The following ADCY2 variants were observed in gnomAD, a reference collection of about 807,000 sequenced individuals.
ADCY2 encodes adenylate cyclase 2.
Under a neutral mutation model 125.2 loss-of-function variants are expected in ADCY2, and 31 were observed. That is an observed-to-expected ratio of 0.25 (90% CI 0.19 to 0.33). ADCY2 has a LOEUF of 0.33. ADCY2 is among the 10% of genes least tolerant of loss of function. ADCY2 has a pLI of 1.00. For synonymous variants in ADCY2, 512 were observed against 548.4 expected (o/e 0.93, Z 0.93); for missense variants, 904 against 1,418.2 (o/e 0.64, Z 5.82).
At chr5:7,560,770 C>T (rs1358599457) in intron 3 of ADCY2, among the ~76,000 whole-genome samples, 1 of 152,004 alleles carries the variant, frequency 6.6e-6, no homozygotes, top group East Asian at 1.9e-4. Context: ...CTCACTGCAA[C>T]CTCCACCTCC....
At chr5:7,748,170 G>T (rs1742688020) in intron 15 of ADCY2, among the ~76,000 whole-genome samples, 1 of 152,172 alleles carries the variant, frequency 6.6e-6, no homozygotes. Context: ...CTCAGGCAGA[G>T]AAATATGTGC....
intron 2 of ADCY2, among the ~76,000 whole-genome samples, chr5:7,493,027 A>T (rs1743220720): frequency 6.6e-6 from 1 of 152,076 alleles, no homozygotes; most frequent in East Asian, 1.9e-4. Context: ...TCCTGGGAAG[A>T]GTGTGGCTGT....
At chr5:7,804,141 A>T (rs1469660028) in intron 21 of ADCY2, among the ~76,000 whole-genome samples, 1 of 151,050 alleles carries the variant, frequency 6.6e-6, no homozygotes, top group Non-Finnish European at 1.5e-5. Context: ...TCTTTATTCC[A>T]TCCACCTCAA....
chr5:7,466,529 C>A (rs1444997003), intron 2 of ADCY2, among the ~76,000 whole-genome samples: 2 of 152,196 alleles, frequency 1.3e-5, no homozygotes, highest in Non-Finnish European at 2.9e-5. Context: ...TGCTTTTAAG[C>A]CCTGCCAGGC....
chr5:7,626,063 T>G (rs1456192572), intron 3 of ADCY2, 104 bp from the exon 4 acceptor site: 2 of 1,265,060 alleles, frequency 1.6e-6, no homozygotes, highest in African/African-American at 3.0e-5. Context: ...ATTAACTTCC[T>G]GCAGTTATCT....
Position 7,754,862 on chromosome 5 carries a change from G to GA in ADCY2, c.1957-2576dup, listed in dbSNP as rs905197674. 1.6e-3 allele frequency among the ~76,000 whole-genome samples: 219 copies of GA among 139,380 alleles called. 1 individual carries two copies. The highest frequency in any genetic ancestry group is 4.1e-3 in the African/African-American group (158 of 38,106). The allele number at this position is 139,380 out of a possible 152,430, so 91.4% of individuals were successfully genotyped here. On this transcript the variant is annotated intron_variant, in intron 15 of 24. Transcript: ENST00000338316. ...GTGAGAGAGCAAGACTCCGTCTCAGGAAAAAAAAAAAGAAAAAACAAAACA... is the reference window on the plus strand; with the variant it reads ...GTGAGAGAGCAAGACTCCGTCTCAGGAAAAAAAAAAAAGAAAAAACAAAACA...
chr5:7,493,198 T>C (rs1743226596), intron 2 of ADCY2, among the ~76,000 whole-genome samples: 1 of 152,110 alleles, frequency 6.6e-6, no homozygotes, highest in Non-Finnish European at 1.5e-5. Context: ...TCAGCACTGA[T>C]CTGTAAGTTT....
intron 24 of ADCY2, among the ~76,000 whole-genome samples, chr5:7,825,253 C>T (rs904874763): frequency 4.0e-5 from 6 of 151,250 alleles, no homozygotes; most frequent in East Asian, 1.9e-4. Flanking sequence ...GACATGACAA[C>T]GCTGCTGTGT....
At chr5:7,640,255 G>C (rs567986255) in intron 4 of ADCY2, among the ~76,000 whole-genome samples, 1 of 152,146 alleles carries the variant, frequency 6.6e-6, no homozygotes, top group South Asian at 2.1e-4. Context: ...TTTACGAGTG[G>C]CTATTGCAAG....
intron 3 of ADCY2, among the ~76,000 whole-genome samples, chr5:7,580,047 A>C (rs1315410691): frequency 6.6e-6 from 1 of 152,212 alleles, no homozygotes; most frequent in African/African-American, 2.4e-5. Context: ...CTCAGTAATA[A>C]GTGGGAGCTA....
chr5:7,404,017 G>C (rs1288618647), intron 1 of ADCY2, among the ~76,000 whole-genome samples: 1 of 151,790 alleles, frequency 6.6e-6, no homozygotes, highest in African/African-American at 2.4e-5. Context: ...TGGTTGTGGG[G>C]ACAGTGAAAC....
chr5:7,509,448 A>T (rs1561065062), intron 2 of ADCY2, among the ~76,000 whole-genome samples: 1 of 151,980 alleles, frequency 6.6e-6, no homozygotes. Flanking sequence ...CAGGACACCC[A>T]TTTTTTTTAA....
chr5:7,397,742 T>C (rs1336883706), intron 1 of ADCY2, among the ~76,000 whole-genome samples: 1 of 152,142 alleles, frequency 6.6e-6, no homozygotes, highest in African/African-American at 2.4e-5. Flanking sequence ...ATGGTAGCTG[T>C]CTACTGATTG....
chr5:7,676,517 A>T (rs924879453), intron 4 of ADCY2, among the ~76,000 whole-genome samples: 85 of 31,506 alleles, frequency 2.7e-3, no homozygotes, highest in Middle Eastern at 0.015. Flanking sequence ...AACATGAATT[A>T]AAAAAAAAAT....
intron 4 of ADCY2, among the ~76,000 whole-genome samples, chr5:7,660,239 A>AAGGAAG (rs1554029333): frequency 3.9e-5 from 4 of 101,330 alleles, no homozygotes; most frequent in Admixed American, 1.2e-4. Context: ...AGGGAGGGAG[A>AAGGAAG]GAAGGAAGGA....
At chr5:7,500,273 T>G (rs1743513894) in intron 2 of ADCY2, among the ~76,000 whole-genome samples, 1 of 152,226 alleles carries the variant, frequency 6.6e-6, no homozygotes, top group South Asian at 2.1e-4. Flanking sequence ...TAGTCAACTC[T>G]TTCCTGCAGA....
intron 20 of ADCY2, among the ~76,000 whole-genome samples, chr5:7,793,099 G>A (rs548044934): frequency 6.6e-6 from 1 of 152,302 alleles, no homozygotes; most frequent in East Asian, 1.9e-4. Context: ...GTGCTCCTGA[G>A]GGTGACGTGA....
At chr5:7,713,476 AG>A (rs1403596736) in intron 11 of ADCY2, among the ~76,000 whole-genome samples, 1 of 150,842 alleles carries the variant, frequency 6.6e-6, no homozygotes, top group Non-Finnish European at 1.5e-5. Flanking sequence ...CCTGGTCGAC[AG>A]AGTGAAACTG....
intron 2 of ADCY2, among the ~76,000 whole-genome samples, chr5:7,462,933 G>C (rs1347091667): frequency 2.0e-5 from 3 of 152,194 alleles, no homozygotes; most frequent in Admixed American, 6.5e-5. Context: ...GACCTCCCTA[G>C]CTGATGCAGC....
Sources: gnomAD v4.1 joint callset for allele counts (sites outside exome capture counted in the v4.1 genomes callset) on GRCh38, gnomAD v4.1.1 for gene constraint, MANE v1.5 for transcripts, NCBI Gene and HGNC (gene_info 2026-07-23, HGNC 2026-07-21) for gene names.